Variants in CXorf38 observed in about 807,000 individuals in gnomAD.
CXorf38 encodes the protein uncharacterized protein CXorf38.
CXorf38 carries 13 observed loss-of-function variants against 27.5 expected under a neutral mutation model. That is an observed-to-expected ratio of 0.47 (90% CI 0.31 to 0.75). CXorf38 has a LOEUF of 0.75. Among genes scored for constraint, CXorf38 ranks in the 30% least tolerant of loss-of-function variants. The pLI, the probability that CXorf38 is intolerant of heterozygous loss-of-function variation, is 0.05. For synonymous variants in CXorf38, 100 were observed against 99.8 expected, an observed-to-expected ratio of 1.00 and a Z score of -0.01; for missense variants, 240 against 253.2, an observed-to-expected ratio of 0.95 and a Z score of 0.35.
intron 2 of CXorf38, among the ~76,000 whole-genome samples, chrX:40,643,314 A>G (rs774777515): frequency 1.8e-5 from 2 of 111,631 alleles, no homozygotes; most frequent in East Asian, 5.6e-4. Context: ...TCTACACATT[A>G]TAATTCAGTG....
chrX:40,638,825 T>C (rs1928184079), intron 3 of CXorf38, among the ~76,000 whole-genome samples, 184 bp downstream of exon 3: 2 of 111,854 alleles, frequency 1.8e-5, no homozygotes, highest in Admixed American at 9.5e-5. Context: ...TGAGCCACAC[T>C]AGTTTGCTTA....
At chrX:40,645,642 G>C (rs994193759) in intron 2 of CXorf38, among the ~76,000 whole-genome samples, 2 of 110,351 alleles carry the variant, frequency 1.8e-5, no homozygotes, top group Non-Finnish European at 3.8e-5. Context: ...TTTAAGACAG[G>C]GTCTTGCTCT....
In CXorf38 at chrX:40,637,165, A is replaced by G; in HGVS notation, c.472-9T>C. 1 of 1,127,007 alleles carries G rather than the reference A, an allele frequency of 8.9e-7. No individual in the cohort carries two copies. The highest frequency in any genetic ancestry group is 1.8e-5 in the African/African-American group (1 of 54,817). 92.9% of individuals were successfully genotyped at this position (1,127,007 alleles called of 1,213,427 possible). ...TTACGACATTTAATTACCTGCAGAA[A>G]GACAAAAAGATAAAAGGCTTCAAAA... is the stretch of plus-strand genomic sequence containing the variant. On this transcript the variant is annotated splice_polypyrimidine_tract_variant and intron_variant, in intron 3 of 6. Coordinates refer to ENST00000327877, the MANE Select transcript of CXorf38 (RefSeq NM_144970.3).
chrX:40,630,513 T>C (rs1237569904), intron 6 of CXorf38, 101 bp downstream of exon 6: 18 of 818,796 alleles, frequency 2.2e-5, no homozygotes, highest in Non-Finnish European at 2.9e-5. Flanking sequence ...AACTTCAGAT[T>C]AGATTGTTGT....
chrX:40,647,224 G>C, intron 1 of CXorf38, 81 bp downstream of exon 1: 1 of 1,159,613 alleles, frequency 8.6e-7, no homozygotes, highest in South Asian at 2.0e-5. Flanking sequence ...CAGGACACTT[G>C]CGCTCTGGGT....
chrX:40,634,262 G>T (rs889621938), intron 5 of CXorf38, among the ~76,000 whole-genome samples: 2 of 110,841 alleles, frequency 1.8e-5, no homozygotes, highest in South Asian at 7.6e-4. Flanking sequence ...TAAGAGATGG[G>T]GTCTCCCTAC....
intron 5 of CXorf38, among the ~76,000 whole-genome samples, chrX:40,631,175 GGATA>G (rs1282644149): frequency 9.8e-6 from 1 of 101,903 alleles, no homozygotes; most frequent in African/African-American, 3.6e-5. Flanking sequence ...TTATATAGAT[GGATA>G]TATACATATG....
intron 3 of CXorf38, among the ~76,000 whole-genome samples, chrX:40,638,201 C>T (rs1928158237): frequency 8.9e-6 from 1 of 111,969 alleles, no homozygotes; most frequent in Admixed American, 9.5e-5. Context: ...GTCGTCTAAT[C>T]ATGTATTAAT....
At position 40,647,058 on chromosome X, in the gene CXorf38, C is replaced by A; in HGVS notation, c.300G>T (p.Trp100Cys). The A allele has an allele frequency of 8.3e-7, 1 of 1,212,115 alleles. No homozygotes were observed. Among genetic ancestry groups the A allele is most frequent in the Non-Finnish European group, 1.1e-6 (1 of 895,424 alleles). The part of the protein sequence containing the change: ...HHVNRNGDVH[W>C]GNCRPGRWPV... Reference sequence around the variant, plus strand: ...GCCAGCGGCCCGGCCGGCAGTTTCCCCAGTGCACATCTCCATTTCTGTTGA... The same window carrying A: ...GCCAGCGGCCCGGCCGGCAGTTTCCACAGTGCACATCTCCATTTCTGTTGA... The change falls in exon 2 of 7, where the codon TGG (tryptophan) becomes TGT (cysteine). Residue 100 changes from tryptophan to cysteine, a missense_variant. By Grantham distance (215) the Trp-to-Cys change is radical. Transcript: ENST00000327877.
In CXorf38 at chrX:40,638,727, C is replaced by T. The variant is rs187419629; in HGVS notation, c.471+282G>A. On this transcript the variant is annotated intron_variant, in intron 3 of 6. Coordinates refer to ENST00000327877, the MANE Select transcript of CXorf38 (RefSeq NM_144970.3). ...GTTCATCTACTTCAGTGGCAAACGG[C>T]ACAATGAGTTGTTAGGAAACTAATT... 1.2e-4 allele frequency among the ~76,000 whole-genome samples: 13 copies of T among 112,270 alleles called. No homozygotes were observed. The East Asian group carries it at 3.6e-3, about 31-fold the overall frequency.
intron 5 of CXorf38, 122 bp downstream of exon 5, chrX:40,636,411 A>G (rs1416257459): frequency 2.2e-6 from 1 of 463,152 alleles, no homozygotes; most frequent in Non-Finnish European, 3.6e-6. Flanking sequence ...ACACTTCTGG[A>G]AATTATTTAA....
In CXorf38 at chrX:40,639,160, G is replaced by A. The variant is rs758259592; in HGVS notation, c.352-32C>T. ...CAAGGGAGGGAGGAGGGGGACCTGA[G>A]TCTCTTCCAACTCTAGGAGATGGAA... On this transcript the variant is annotated intron_variant, in intron 2 of 6. Transcript: ENST00000327877. 4.2e-6 allele frequency: 5 copies of A among 1,190,114 alleles called. No individual in the cohort carries two copies. In the Admixed American group the frequency reaches 1.1e-4, roughly 27 times the overall value.
chrX:40,637,239 A>G, intron 3 of CXorf38, 83 bp from the exon 4 acceptor site: 1 of 691,529 alleles, frequency 1.4e-6, no homozygotes, highest in Admixed American at 4.0e-5. Context: ...AAAAAATCAT[A>G]GAGAGGCTTT....
intron 2 of CXorf38, among the ~76,000 whole-genome samples, chrX:40,640,973 G>T (rs191787852): frequency 9.7e-6 from 1 of 103,045 alleles, no homozygotes; most frequent in East Asian, 3.0e-4. Flanking sequence ...TATTATGGAT[G>T]CTACAAAGGT....
chrX:40,632,412 C>A (rs1188236714), intron 5 of CXorf38, among the ~76,000 whole-genome samples: 3 of 112,056 alleles, frequency 2.7e-5, no homozygotes, highest in Admixed American at 9.4e-5. Flanking sequence ...TTTTCCACCC[C>A]AAATTGCCTT....
In CXorf38 at chrX:40,647,153, G is replaced by C. The variant is rs780297820; in HGVS notation, c.217-12C>G. On this transcript the variant is annotated splice_polypyrimidine_tract_variant and intron_variant, in intron 1 of 6. Coordinates refer to ENST00000327877, the MANE Select transcript of CXorf38 (RefSeq NM_144970.3). ...CACTGAGGCTGAAACTACAGGGGGC[G>C]GCGGTGAGGAGGGGCCCAGGAGGGA... 15 of 1,209,656 alleles carry C rather than the reference G, an allele frequency of 1.2e-5. No individual in the cohort carries two copies. In the African/African-American group the frequency reaches 2.1e-4, roughly 17 times the overall value.
rs1373640424 is a variant in CXorf38 at position 40,628,034 on chromosome X, C to T, written c.*2130G>A. Reference sequence around the variant, plus strand: ...TTCCATTTGATCCCAAGTTTTGTACCTCACATCTAGAAGCTCTGAAATATT... The same window carrying T: ...TTCCATTTGATCCCAAGTTTTGTACTTCACATCTAGAAGCTCTGAAATATT... On this transcript the variant is annotated 3_prime_UTR_variant, in exon 7 of 7. Coordinates refer to ENST00000327877, the MANE Select transcript of CXorf38 (RefSeq NM_144970.3). 1.8e-5 allele frequency: 2 copies of T among 112,123 alleles called. No individual in the cohort carries two copies. 9.2% of individuals were successfully genotyped at this position (112,123 alleles called of 1,213,427 possible).
At chrX:40,642,592 C>G (rs1928375014) in intron 2 of CXorf38, among the ~76,000 whole-genome samples, 1 of 111,381 alleles carries the variant, frequency 9.0e-6, no homozygotes, top group Admixed American at 9.5e-5. Context: ...GAGACGAGGT[C>G]ACAGATGCAG....
At chrX:40,631,187 A>ATGTTC (rs753219361) in intron 5 of CXorf38, among the ~76,000 whole-genome samples, 54 of 108,529 alleles carry the variant, frequency 5.0e-4, no homozygotes, top group Non-Finnish European at 9.6e-4. Context: ...ATATATACAT[A>ATGTTC]TGTTCATATA....
Sources: gnomAD v4.1 joint callset for allele counts (sites outside exome capture counted in the v4.1 genomes callset) on GRCh38, gnomAD v4.1.1 for gene constraint, MANE v1.5 for transcripts, NCBI Gene and HGNC (gene_info 2026-07-23, HGNC 2026-07-21) for gene names.